ANO6: variants seen among roughly 807,000 people sequenced by gnomAD.
ANO6 encodes anoctamin-6.
In ANO6, 106 loss-of-function variants were observed where a neutral mutation model predicts 117.5. The observed-to-expected ratio is 0.90, with a 90% CI of 0.77 to 1.06. The LOEUF is 1.06. Ranked by LOEUF, ANO6 falls within the 50% of genes least tolerant of loss-of-function variation. ANO6 has a pLI of 0.00. For missense variants in ANO6, 955 were observed against 1,121.1 expected, an observed-to-expected ratio of 0.85 and a Z score of 2.12; for synonymous variants, 367 against 385.1, an observed-to-expected ratio of 0.95 and a Z score of 0.55.
chr12:45,282,017 C>T (rs910100488), intron 1 of ANO6, among the ~76,000 whole-genome samples: 3 of 152,048 alleles, frequency 2.0e-5, no homozygotes, highest in Non-Finnish European at 2.9e-5. Flanking sequence ...CTCTTCAGCA[C>T]CATAGGAGAG....
intron 1 of ANO6, among the ~76,000 whole-genome samples, chr12:45,260,848 C>T (rs1002259215): frequency 6.6e-6 from 1 of 151,880 alleles, no homozygotes. Flanking sequence ...AGTGCAGTGG[C>T]GCCATCTTGG....
chr12:45,430,969 C>T lies in ANO6; in HGVS notation c.*1658C>T, dbSNP rs1392233204. The T allele has an allele frequency of 1.0e-6, 1 of 985,292 alleles. No individual in the cohort carries two copies. The highest frequency in any genetic ancestry group is 1.2e-6 in the Non-Finnish European group (1 of 829,948). The allele number at this position is 985,292 out of a possible 1,614,324, so 61.0% of individuals were successfully genotyped here. A position where few individuals can be genotyped will look rare whatever the true frequency, so the allele number is the denominator to read the frequency against. On this transcript the variant is annotated 3_prime_UTR_variant, in exon 20 of 20. Transcript: ENST00000320560. ...TCAGAATCCCAGCAGCAAAGGAAAA[C>T]TCAGATTTTAGAGGCTTTTTACAAT... is the stretch of plus-strand genomic sequence containing the variant.
intron 2 of ANO6, 89 bp downstream of exon 2, chr12:45,302,182 C>A: frequency 1.8e-6 from 2 of 1,124,042 alleles, no homozygotes; most frequent in East Asian, 2.4e-5. Context: ...TGAATTCATT[C>A]CTTCAATGGC....
In ANO6 at chr12:45,422,990, C is replaced by G; in HGVS notation, c.2454C>G (p.Pro818=). 6.2e-7 allele frequency: 1 copy of G among 1,614,030 alleles called. No individual in the cohort carries two copies. The highest frequency in any genetic ancestry group is 1.7e-4 in the Middle Eastern group (1 of 6,060). ...ATTTCCGATACCCACCTGGACACCC[C>G]CAGGAGTATAAACACAACATCTACT... ...YRDFRYPPGH[P]QEYKHNIYYW... is the part of the protein sequence containing the mutation. Residue 818 remains proline (P), a synonymous_variant, in exon 19 of 20, where the codon CCC becomes CCG. Coordinates refer to ENST00000320560, the MANE Select transcript of ANO6 (RefSeq NM_001025356.3).
intron 17 of ANO6, among the ~76,000 whole-genome samples, chr12:45,419,138 C>T (rs1366401412): frequency 6.6e-6 from 1 of 152,158 alleles, no homozygotes; most frequent in Admixed American, 6.5e-5. Flanking sequence ...TGTATCATGC[C>T]AGAGCATCTG....
At chr12:45,358,986 C>T (rs1941484000) in intron 8 of ANO6, among the ~76,000 whole-genome samples, 1 of 151,978 alleles carries the variant, frequency 6.6e-6, no homozygotes, top group African/African-American at 2.4e-5. Context: ...GTTTCACCAT[C>T]TTGGCCAGGC....
At chr12:45,416,571 A>C in intron 16 of ANO6, 128 bp from the exon 17 acceptor site, 2 of 817,222 alleles carry the variant, frequency 2.4e-6, no homozygotes, top group Non-Finnish European at 4.1e-6. Context: ...ACACTAAATT[A>C]TTATTTACCA....
intron 1 of ANO6, among the ~76,000 whole-genome samples, chr12:45,301,194 T>A (rs1358908960): frequency 1.3e-5 from 2 of 151,864 alleles, no homozygotes; most frequent in East Asian, 3.9e-4. Context: ...ATTAGGGTAG[T>A]ATGGGTTAAA....
rs76869332 is a variant in ANO6, at chr12:45,428,824, G to A, written c.2527-281G>A. On this transcript the variant is annotated intron_variant, in intron 19 of 19. Transcript: ENST00000320560. ...ATCCTAGTTTTTAAGTTTAATGGAG[G>A]TTTTTTGAGGTATTCATTTTTTCTT... 5.3e-4 allele frequency among the ~76,000 whole-genome samples: 81 copies of A among 152,170 alleles called. 1 individual carries two copies. The East Asian group carries it at 0.016, about 29-fold the overall frequency.
rs1003427006 is a variant in ANO6, at chr12:45,366,883, A to G, written c.999-805A>G. 2.6e-5 allele frequency among the ~76,000 whole-genome samples: 4 copies of G among 152,326 alleles called. No individual in the cohort carries two copies. In the East Asian group the frequency reaches 7.7e-4, roughly 29 times the overall value. ...ACTTTTTAAGAATTATTTCCTAATG[A>G]TTACAGGTGTATGGGGACATAATTC... On this transcript the variant is annotated intron_variant, in intron 8 of 19. Coordinates refer to ENST00000320560, the MANE Select transcript of ANO6 (RefSeq NM_001025356.3).
At chr12:45,332,433 A>T (rs1940698738) in intron 3 of ANO6, among the ~76,000 whole-genome samples, 1 of 152,032 alleles carries the variant, frequency 6.6e-6, no homozygotes, top group Non-Finnish European at 1.5e-5. Context: ...AAAACCTTTT[A>T]AAAAATGAAG....
chr12:45,218,384 C>A, intron 1 of ANO6, among the ~76,000 whole-genome samples: 2 of 135,456 alleles, frequency 1.5e-5, no homozygotes, highest in African/African-American at 5.8e-5. Context: ...CTGTTTCTTT[C>A]TTTCTCTTTT....
chr12:45,417,930 G>T (rs993114536), intron 17 of ANO6, among the ~76,000 whole-genome samples: 8 of 152,136 alleles, frequency 5.3e-5, no homozygotes, highest in African/African-American at 1.9e-4. Flanking sequence ...GCATGATCTT[G>T]AGCCAGGCCT....
chr12:45,359,009 C>T (rs1197937202), intron 8 of ANO6, among the ~76,000 whole-genome samples: 1 of 152,168 alleles, frequency 6.6e-6, no homozygotes, highest in South Asian at 2.1e-4. Flanking sequence ...GTCTCGAACT[C>T]CTGACCTCAG....
At chr12:45,314,477 AC>A in intron 2 of ANO6, among the ~76,000 whole-genome samples, 1 of 4,486 alleles carries the variant, frequency 2.2e-4, no homozygotes. Flanking sequence ...TTATATATAC[AC>A]ACACACACAC....
chr12:45,404,596 C>CTCTT (rs897767534), intron 15 of ANO6, among the ~76,000 whole-genome samples: 5 of 151,984 alleles, frequency 3.3e-5, no homozygotes, highest in Admixed American at 2.6e-4. Context: ...GCCTTGTAAC[C>CTCTT]TCTTCTCCAT....
chr12:45,254,552 C>G (rs1002146481), intron 1 of ANO6, among the ~76,000 whole-genome samples: 1 of 152,158 alleles, frequency 6.6e-6, no homozygotes, highest in African/African-American at 2.4e-5. Context: ...CTTACAGGAC[C>G]AACTCTTTGT....
At position 45,417,226 on chromosome 12, in the gene ANO6, TG is replaced by T. The variant is rs893868375; in HGVS notation, c.2217+323del. The stretch of plus-strand genomic sequence containing the variant: ...AACTATAAAAGGAGTTATCAGAAAA[TG>T]TTTTTTTTATAATGTGGGTAGAAAT... On this transcript the variant is annotated intron_variant, in intron 17 of 19. Coordinates refer to ENST00000320560, the MANE Select transcript of ANO6 (RefSeq NM_001025356.3). 1.4e-4 allele frequency among the ~76,000 whole-genome samples: 21 copies of T among 152,144 alleles called. 1 individual carries two copies. Among genetic ancestry groups the T allele is most frequent in the African/African-American group, 2.6e-4 (11 of 41,516 alleles).
intron 19 of ANO6, 28 bp downstream of exon 19, chr12:45,423,090 TATAAGG>T: frequency 6.5e-7 from 1 of 1,529,994 alleles, no homozygotes; most frequent in Middle Eastern, 1.7e-4. Flanking sequence ...TCAAACAGTT[TATAAGG>T]ATGTGTATTT....
Sources: gnomAD v4.1 joint callset for allele counts (sites outside exome capture counted in the v4.1 genomes callset) on GRCh38, gnomAD v4.1.1 for gene constraint, MANE v1.5 for transcripts, NCBI Gene and HGNC (gene_info 2026-07-23, HGNC 2026-07-21) for gene names.